Variants in KCNJ12 observed in about 807,000 individuals in gnomAD.
The protein encoded by KCNJ12 is ATP-sensitive inward rectifier potassium channel 12.
In KCNJ12, 2 loss-of-function variants were observed where a neutral mutation model predicts 22.3. That is an observed-to-expected ratio of 0.09 (90% confidence interval 0.04 to 0.28). The LOEUF is 0.28. Ranked by LOEUF, KCNJ12 falls within the 10% of genes least tolerant of loss-of-function variation. The pLI is 1.00. For missense variants in KCNJ12, 155 were observed against 633.3 expected, an observed-to-expected ratio of 0.24 and a Z score of 8.11; for synonymous variants, 117 against 261.4, an observed-to-expected ratio of 0.45 and a Z score of 5.33.
At chr17:21,414,379 G>A (rs1906557486) in intron 2 of KCNJ12, among the ~76,000 whole-genome samples, 2 of 152,282 alleles carry the variant, frequency 1.3e-5, no homozygotes, top group African/African-American at 4.8e-5. Flanking sequence ...GGAAGCTGAG[G>A]CAGGAGAATC....
intron 1 of KCNJ12, among the ~76,000 whole-genome samples, chr17:21,406,719 C>T (rs1388884393): frequency 7.9e-5 from 12 of 152,304 alleles, no homozygotes; most frequent in African/African-American, 2.9e-4. Flanking sequence ...GTCACCTGTC[C>T]CAGGAGGCTA....
chr17:21,378,666 G>A (rs1301105060), intron 1 of KCNJ12, among the ~76,000 whole-genome samples: 1 of 152,156 alleles, frequency 6.6e-6, no homozygotes, highest in Non-Finnish European at 1.5e-5. Context: ...GTAAATGCTG[G>A]CTGTTGACCC....
intron 1 of KCNJ12, among the ~76,000 whole-genome samples, chr17:21,381,109 C>T (rs2144760168): frequency 6.6e-6 from 1 of 152,322 alleles, no homozygotes; most frequent in Middle Eastern, 3.4e-3. Flanking sequence ...GCAGTTCCGC[C>T]TTGGCTGTGC....
intron 1 of KCNJ12, among the ~76,000 whole-genome samples, chr17:21,404,251 C>T (rs1216304835): frequency 2.6e-5 from 4 of 152,298 alleles, no homozygotes; most frequent in Admixed American, 2.6e-4. Context: ...TGCACCAAGA[C>T]TGCAGGACTC....
At chr17:21,382,561 C>T (rs1241462612) in intron 1 of KCNJ12, among the ~76,000 whole-genome samples, 3 of 152,200 alleles carry the variant, frequency 2.0e-5, no homozygotes, top group East Asian at 3.8e-4. Flanking sequence ...CAATGATCAA[C>T]TCCAGCGGCT....
In KCNJ12 at chr17:21,376,364, C is replaced by G. The variant is rs1555557247; in HGVS notation, c.-728C>G. On this transcript the variant is annotated 5_prime_UTR_variant, in exon 1 of 3. Transcript: ENST00000583088. This position sits in a 1 kb window ranked among gnomAD's most constrained non-coding sequence, Gnocchi z 5.3. ...CTCCGCGGAGAGTTAGAGGAGTTGC[C>G]GAGCTGAGCTCCGGTGGAGCGAGGC... 6.6e-6 allele frequency: 1 copy of G among 151,738 alleles called. No individual in the cohort carries two copies. The highest frequency in any genetic ancestry group is 1.5e-5 in the Non-Finnish European group (1 of 67,910). 9.4% of individuals were successfully genotyped at this position (151,738 alleles called of 1,614,324 possible).
chr17:21,402,258 A>T (rs1905658188), intron 1 of KCNJ12, among the ~76,000 whole-genome samples: 1 of 152,300 alleles, frequency 6.6e-6, no homozygotes, highest in Non-Finnish European at 1.5e-5. Flanking sequence ...CTAGCTCTCC[A>T]GATGTCACCT....
chr17:21,383,114 T>C (rs556199467), intron 1 of KCNJ12, among the ~76,000 whole-genome samples: 80 of 151,922 alleles, frequency 5.3e-4, no homozygotes, highest in Middle Eastern at 6.8e-3. Flanking sequence ...GAGATGTGTA[T>C]GATAGAGAGG....
At chr17:21,394,235 T>G (rs1203888077) in intron 1 of KCNJ12, among the ~76,000 whole-genome samples, 1 of 152,232 alleles carries the variant, frequency 6.6e-6, no homozygotes, top group Non-Finnish European at 1.5e-5. Context: ...TTTTATACTG[T>G]ATTTTTGCTG....
In KCNJ12 at chr17:21,417,077, T is replaced by C. The variant is rs1412473845; in HGVS notation, c.*433T>C. ...TTGACCTTAGCTTGGGTGAGACTGT[T>C]TACAAAAAAAAAAAATTACCATGCA... On this transcript the variant is annotated 3_prime_UTR_variant, in exon 3 of 3. Coordinates refer to ENST00000583088, the MANE Select transcript of KCNJ12 (RefSeq NM_021012.5). 4.9e-6 allele frequency: 1 copy of C among 203,168 alleles called. No individual in the cohort carries two copies. Among genetic ancestry groups the C allele is most frequent in the African/African-American group, 2.4e-5 (1 of 42,086 alleles). The allele number at this position is 203,168 out of a possible 1,614,324, so 12.6% of individuals were successfully genotyped here.
At chr17:21,411,397 G>C (rs1272770401) in intron 2 of KCNJ12, among the ~76,000 whole-genome samples, 1 of 152,068 alleles carries the variant, frequency 6.6e-6, no homozygotes, top group Non-Finnish European at 1.5e-5. Context: ...CCGGGCCCGT[G>C]CTCTCTCCCC....
chr17:21,391,464 C>T (rs2142054346), intron 1 of KCNJ12, among the ~76,000 whole-genome samples: 1 of 152,370 alleles, frequency 6.6e-6, no homozygotes, highest in Middle Eastern at 3.4e-3. Flanking sequence ...CTGCTGCTCC[C>T]CAGCTTCTCC....
At chr17:21,379,797 G>A (rs1030224166) in intron 1 of KCNJ12, among the ~76,000 whole-genome samples, 1 of 152,144 alleles carries the variant, frequency 6.6e-6, no homozygotes, top group African/African-American at 2.4e-5. Flanking sequence ...TTGGGGGTGG[G>A]GGGGGGCCTG....
intron 2 of KCNJ12, among the ~76,000 whole-genome samples, chr17:21,411,211 G>A (rs1304727367): frequency 1.3e-5 from 2 of 152,306 alleles, no homozygotes; most frequent in Non-Finnish European, 2.9e-5. Flanking sequence ...CCATCCGGAA[G>A]CACCTCCCGG....
chr17:21,408,187 TA>T (rs1906096165), intron 1 of KCNJ12, among the ~76,000 whole-genome samples: 1 of 152,302 alleles, frequency 6.6e-6, no homozygotes, highest in African/African-American at 2.4e-5. Context: ...GTAACAACAA[TA>T]GTTCCAACCT....
intron 1 of KCNJ12, among the ~76,000 whole-genome samples, chr17:21,387,993 C>G (rs1247864648): frequency 6.6e-6 from 1 of 152,172 alleles, no homozygotes; most frequent in African/African-American, 2.4e-5. Context: ...ACTCCTCCCC[C>G]ACTGCTGAGG....
chr17:21,401,031 A>G (rs1187420451), intron 1 of KCNJ12, among the ~76,000 whole-genome samples: 2 of 152,296 alleles, frequency 1.3e-5, no homozygotes, highest in Non-Finnish European at 2.9e-5. Flanking sequence ...AAGGCGGGGA[A>G]GTTGATGATT....
At chr17:21,380,349 C>T (rs2144758803) in intron 1 of KCNJ12, among the ~76,000 whole-genome samples, 1 of 152,290 alleles carries the variant, frequency 6.6e-6, no homozygotes, top group African/African-American at 2.4e-5. Context: ...AGCTGTGGCC[C>T]CTGTGCTGGG....
At chr17:21,378,751 C>A (rs1205289259) in intron 1 of KCNJ12, among the ~76,000 whole-genome samples, 1 of 152,052 alleles carries the variant, frequency 6.6e-6, no homozygotes, top group Admixed American at 6.5e-5. Flanking sequence ...TGGCTGACAC[C>A]CCTCATCCCC....
Sources: gnomAD v4.1 joint callset for allele counts (sites outside exome capture counted in the v4.1 genomes callset) on GRCh38, gnomAD v4.1.1 for gene constraint, Gnocchi (gnomAD v3.1) non-coding constraint, MANE v1.5 for transcripts, NCBI Gene and HGNC (gene_info 2026-07-23, HGNC 2026-07-21) for gene names.